Variants in FER1L6 observed in about 807,000 individuals in gnomAD.
The protein encoded by FER1L6 is fer-1 like family member 6.
Under a neutral mutation model 219.2 loss-of-function variants are expected in FER1L6, and 177 were observed. The ratio of observed to expected loss-of-function variants is 0.81; its 90% confidence interval spans 0.71 to 0.91. The LOEUF is 0.91. Among genes scored for constraint, FER1L6 ranks in the 40% least tolerant of loss-of-function variants. The probability of loss-of-function intolerance (pLI) is 0.00; values close to 1 mark genes in which losing one functional copy is unlikely to be tolerated. For synonymous variants in FER1L6, 768 were observed against 824.3 expected, an observed-to-expected ratio of 0.93 and a Z score of 1.17; for missense variants, 2,153 against 2,259.9, an observed-to-expected ratio of 0.95 and a Z score of 0.96.
chr8:123,978,625 G>A (rs1413056075), intron 10 of FER1L6, among the ~76,000 whole-genome samples: 3 of 151,906 alleles, frequency 2.0e-5, no homozygotes, highest in Admixed American at 1.3e-4. Flanking sequence ...ACATGCATGT[G>A]TATCTACATA....
At chr8:124,116,552 T>C (rs1398558921) in intron 39 of FER1L6, among the ~76,000 whole-genome samples, 2 of 152,338 alleles carry the variant, frequency 1.3e-5, no homozygotes, top group East Asian at 3.9e-4. Flanking sequence ...AGGGCATGCA[T>C]GAAACACCAT....
intron 1 of FER1L6, among the ~76,000 whole-genome samples, chr8:123,892,449 GC>G (rs1356215800): frequency 6.6e-6 from 1 of 152,056 alleles, no homozygotes; most frequent in Non-Finnish European, 1.5e-5. Context: ...CCGCCACCAT[GC>G]CCAGCTAATT....
intron 1 of FER1L6, among the ~76,000 whole-genome samples, chr8:123,887,170 G>T (rs1817218887): frequency 6.6e-6 from 1 of 152,174 alleles, no homozygotes; most frequent in Non-Finnish European, 1.5e-5. Context: ...CCTAATTTTA[G>T]TTGGTTAGGG....
Position 123,929,526 on chromosome 8 carries a change from G to T in FER1L6, c.-7-26466G>T, listed in dbSNP as rs554624293. Reference sequence around the variant, plus strand: ...TACTGTTTCTTCCCTTTTCTAGGGAGGAAGTCTGCATCAAGGAAGAATTAA... The same window carrying T: ...TACTGTTTCTTCCCTTTTCTAGGGATGAAGTCTGCATCAAGGAAGAATTAA... On this transcript the variant is annotated intron_variant, in intron 1 of 40. Coordinates refer to ENST00000522917, the MANE Select transcript of FER1L6 (RefSeq NM_001039112.2). Among the ~76,000 whole-genome samples the T allele has an allele frequency of 4.5e-4, 68 of 152,326 alleles. No homozygotes were observed. The South Asian group carries it at 0.014, about 31-fold the overall frequency.
chr8:124,012,481 C>T lies in FER1L6; in HGVS notation c.1822-950C>T, dbSNP rs552352328. Among the ~76,000 whole-genome samples, 3 of 152,368 alleles carry T rather than the reference C, an allele frequency of 2.0e-5. No homozygotes were observed. The South Asian group carries it at 6.2e-4, about 32-fold the overall frequency. ...TCTCAGTGCTGGCATCCCTGCCATG[C>T]TTGGCATATCATGGCTAACCACCAT... On this transcript the variant is annotated intron_variant, in intron 14 of 40. Transcript: ENST00000522917.
At chr8:123,918,825 T>C (rs911676519) in intron 1 of FER1L6, among the ~76,000 whole-genome samples, 2 of 152,096 alleles carry the variant, frequency 1.3e-5, no homozygotes, top group African/African-American at 4.8e-5. Flanking sequence ...GAGATTCCAG[T>C]GTAAAGGCGA....
intron 22 of FER1L6, among the ~76,000 whole-genome samples, chr8:124,056,517 A>C (rs1351433206): frequency 6.6e-6 from 1 of 152,260 alleles, no homozygotes; most frequent in East Asian, 1.9e-4. Flanking sequence ...TTGGCTTAAA[A>C]AATGAGATAT....
intron 1 of FER1L6, among the ~76,000 whole-genome samples, chr8:123,926,937 T>C (rs1439703209): frequency 1.3e-5 from 2 of 152,160 alleles, no homozygotes; most frequent in Non-Finnish European, 1.5e-5. Flanking sequence ...TGTAACATAT[T>C]GGACTCCAAA....
chr8:124,003,777 T>A (rs1255300200), intron 13 of FER1L6, among the ~76,000 whole-genome samples: 1 of 152,006 alleles, frequency 6.6e-6, no homozygotes, highest in Non-Finnish European at 1.5e-5. Context: ...AGAAACATAA[T>A]TTTTTAATCT....
At chr8:123,855,191 C>T (rs1400182455) in intron 1 of FER1L6, among the ~76,000 whole-genome samples, 1 of 152,132 alleles carries the variant, frequency 6.6e-6, no homozygotes, top group Non-Finnish European at 1.5e-5. Flanking sequence ...AGTTCAGGAT[C>T]CAGGACAGTT....
chr8:124,003,309 C>A lies in FER1L6; in HGVS notation c.1662C>A (p.Thr554=). ...ATGTTCCCATTCCTATGGCCTCCAC[C>A]ACTCACCCGGAGAAGCCACTGGTGA... ...AHDVPIPMAS[T]THPEKPLVTE... Residue 554 remains threonine, a synonymous_variant, in exon 13 of 41, where the codon ACC becomes ACA. Transcript: ENST00000522917. 1 of 1,613,712 alleles carries A rather than the reference C, an allele frequency of 6.2e-7. No individual in the cohort carries two copies.
chr8:123,883,203 A>G (rs1029735069), intron 1 of FER1L6, among the ~76,000 whole-genome samples: 6 of 152,210 alleles, frequency 3.9e-5, no homozygotes, highest in African/African-American at 1.4e-4. Context: ...GGGCAAGTGC[A>G]GGAGCACAGA....
chr8:123,933,740 G>A (rs1211189685), intron 1 of FER1L6, among the ~76,000 whole-genome samples: 10 of 152,132 alleles, frequency 6.6e-5, no homozygotes, highest in Non-Finnish European at 1.0e-4. Context: ...TAGAACCAAG[G>A]CACTGTGGTC....
At chr8:123,910,960 G>A (rs1164011104) in intron 1 of FER1L6, among the ~76,000 whole-genome samples, 2 of 152,144 alleles carry the variant, frequency 1.3e-5, no homozygotes, top group African/African-American at 4.8e-5. Flanking sequence ...ACTTCCTAGT[G>A]GGATGGGCAG....
rs1436545292 is a variant in FER1L6 at position 124,066,527 on chromosome 8, G to T, written c.3655G>T (p.Ala1219Ser). ...GATTGACTGGTGGTCTAAGTATTAT[G>T]CCTCCCTGAAGAAAGCCCAGAAGGT... Reference protein sequence around the residue: ...NVIDWWSKYYASLKKAQKAKE... With the variant: ...NVIDWWSKYYSSLKKAQKAKE... Residue 1219 changes from alanine to serine, a missense_variant, in exon 27 of 41, where the codon GCC becomes TCC. Ala to Ser is a moderately conservative substitution (Grantham distance 99). Transcript: ENST00000522917. The T allele has an allele frequency of 2.5e-6, 4 of 1,614,024 alleles. No individual in the cohort carries two copies. The highest frequency in any genetic ancestry group is 3.4e-6 in the Non-Finnish European group (4 of 1,179,916).
chr8:124,049,525 T>A, intron 21 of FER1L6, 82 bp from the exon 22 acceptor site: 1 of 1,460,018 alleles, frequency 6.8e-7, no homozygotes, highest in Non-Finnish European at 9.5e-7. Context: ...GAGGTTATTT[T>A]GTGGAGGTGA....
rs1816906795 is a variant in FER1L6 at position 123,870,466 on chromosome 8, G to C, written c.-8+18281G>C. 2.6e-5 allele frequency among the ~76,000 whole-genome samples: 4 copies of C among 152,044 alleles called. No homozygotes were observed. The South Asian group carries it at 8.3e-4, about 32-fold the overall frequency. On this transcript the variant is annotated intron_variant, in intron 1 of 40. Transcript: ENST00000522917. ...TTCATGCAATGGAATATTATTCAGT[G>C]GTAAAAAAGAAGGAGCTATTAAACT...
intron 1 of FER1L6, among the ~76,000 whole-genome samples, chr8:123,871,619 A>G (rs985475298): frequency 2.0e-5 from 3 of 152,212 alleles, no homozygotes; most frequent in African/African-American, 7.2e-5. Context: ...TATATAAGTA[A>G]ATAGAATAGA....
At chr8:123,926,597 C>T (rs1307753469) in intron 1 of FER1L6, among the ~76,000 whole-genome samples, 7 of 152,060 alleles carry the variant, frequency 4.6e-5, no homozygotes, top group Admixed American at 2.6e-4. Context: ...ACTCAGGAGA[C>T]CTGGAAGACT....
Sources: allele counts gnomAD v4.1 joint callset (sites outside exome capture counted in the v4.1 genomes callset), GRCh38; gene constraint gnomAD v4.1.1; transcripts MANE v1.5; gene names NCBI Gene and HGNC (gene_info 2026-07-23, HGNC 2026-07-21).